Variants in PSD3 observed in about 807,000 individuals in gnomAD.
PSD3 encodes the protein pleckstrin and Sec7 domain containing 3.
Under a neutral mutation model 105.5 loss-of-function variants are expected in PSD3, and 49 were observed. The observed-to-expected ratio is 0.46, with a 90% confidence interval of 0.37 to 0.59. The LOEUF (loss-of-function observed/expected upper bound fraction) is 0.59, where lower values mean the gene tolerates loss of function less well. Ranked by LOEUF, PSD3 falls within the 20% of genes least tolerant of loss-of-function variation. PSD3 has a pLI of 0.00. For synonymous variants in PSD3, 557 were observed against 457.8 expected (o/e 1.22, Z -2.77); for missense variants, 1,561 against 1,263.8 (o/e 1.24, Z -3.57).
intron 1 of PSD3, among the ~76,000 whole-genome samples, chr8:19,025,568 G>A (rs1827518787): frequency 6.6e-6 from 1 of 152,146 alleles, no homozygotes. Flanking sequence ...CAGGGTTGAG[G>A]TCCTGCCATC....
rs979913983 is a variant in PSD3 at position 18,549,233 on chromosome 8, G to C, written c.2928+6976C>G. Among the ~76,000 whole-genome samples the C allele has an allele frequency of 2.7e-5, 4 of 146,794 alleles. No homozygotes were observed. The South Asian group carries it at 6.6e-4, about 24-fold the overall frequency. On this transcript the variant is annotated intron_variant, in intron 15 of 15. Coordinates refer to ENST00000327040, the MANE Select transcript of PSD3 (RefSeq NM_015310.4). ...TTTCACTCTTATTGCCCAGGCTAGAGTGCAATGGCATGATCTCGGCTCACT... is the reference window on the plus strand; with the variant it reads ...TTTCACTCTTATTGCCCAGGCTAGACTGCAATGGCATGATCTCGGCTCACT...
At chr8:18,689,994 G>T (rs1262872386) in intron 9 of PSD3, among the ~76,000 whole-genome samples, 1 of 152,054 alleles carries the variant, frequency 6.6e-6, no homozygotes. Flanking sequence ...CCAATATTGA[G>T]GTTTCTTTTT....
At chr8:18,825,414 C>A (rs564698603) in intron 4 of PSD3, among the ~76,000 whole-genome samples, 3 of 152,116 alleles carry the variant, frequency 2.0e-5, no homozygotes, top group Non-Finnish European at 4.4e-5. Flanking sequence ...GGGTGCAACC[C>A]GGTTTGAGAA....
chr8:18,679,094 CA>C (rs1374352132), intron 9 of PSD3, among the ~76,000 whole-genome samples: 5 of 140,320 alleles, frequency 3.6e-5, no homozygotes, highest in Non-Finnish European at 6.4e-5. Context: ...AGGCAGATAT[CA>C]ATGTCCTGTT....
chr8:18,840,291 C>G (rs1489767648), intron 4 of PSD3, among the ~76,000 whole-genome samples: 1 of 152,144 alleles, frequency 6.6e-6, no homozygotes, highest in Non-Finnish European at 1.5e-5. Context: ...GTGCATTAAA[C>G]CAAAATGTCT....
At chr8:18,770,499 T>A (rs13276483) in intron 8 of PSD3, among the ~76,000 whole-genome samples, 68,459 of 152,064 alleles carry the variant, frequency 0.45, 18,378 homozygotes, top group Non-Finnish European at 0.61. Flanking sequence ...CATGGGCAGA[T>A]ATGGGAGTAT....
At chr8:18,790,967 G>A (rs335253) in intron 8 of PSD3, among the ~76,000 whole-genome samples, 7 of 152,070 alleles carry the variant, frequency 4.6e-5, no homozygotes, top group Non-Finnish European at 7.4e-5. Flanking sequence ...ATGAACTCCC[G>A]TTTATAACTG....
chr8:18,998,148 C>A (rs1358970057), intron 1 of PSD3, among the ~76,000 whole-genome samples: 1 of 151,884 alleles, frequency 6.6e-6, no homozygotes, highest in Non-Finnish European at 1.5e-5. Flanking sequence ...CTGCATATGA[C>A]CTATTACAGT....
At chr8:18,776,978 C>CT (rs1273947713) in intron 8 of PSD3, among the ~76,000 whole-genome samples, 3 of 151,952 alleles carry the variant, frequency 2.0e-5, no homozygotes, top group South Asian at 4.2e-4. Flanking sequence ...AGTTATGTCT[C>CT]TTTTTTTGTT....
chr8:18,577,559 A>T (rs963120942), intron 12 of PSD3, among the ~76,000 whole-genome samples: 7 of 152,054 alleles, frequency 4.6e-5, no homozygotes, highest in African/African-American at 1.4e-4. Context: ...ATTTAGGTTT[A>T]TAACTATCAT....
intron 1 of PSD3, among the ~76,000 whole-genome samples, chr8:18,949,566 T>C (rs148821584): frequency 1.4e-3 from 217 of 152,166 alleles, no homozygotes; most frequent in Non-Finnish European, 2.6e-3. Context: ...AAGCAAATGA[T>C]CATGAGCTTC....
intron 11 of PSD3, among the ~76,000 whole-genome samples, chr8:18,609,041 A>G (rs1352611598): frequency 6.6e-6 from 1 of 152,194 alleles, no homozygotes; most frequent in Non-Finnish European, 1.5e-5. Context: ...TATGGATAGA[A>G]AGTCATAATA....
intron 1 of PSD3, among the ~76,000 whole-genome samples, chr8:19,044,820 G>T (rs899118046): frequency 1.5e-4 from 23 of 152,176 alleles, no homozygotes; most frequent in African/African-American, 5.6e-4. Context: ...GGAGAGACGG[G>T]AAAGATTGTA....
chr8:18,850,593 T>C (rs920001520), intron 4 of PSD3, among the ~76,000 whole-genome samples: 1 of 152,128 alleles, frequency 6.6e-6, no homozygotes, highest in African/African-American at 2.4e-5. Flanking sequence ...TCTAAGACAA[T>C]TGTCGTAAGT....
chr8:18,840,842 A>G (rs1814559963), intron 4 of PSD3, among the ~76,000 whole-genome samples: 1 of 152,182 alleles, frequency 6.6e-6, no homozygotes, highest in Non-Finnish European at 1.5e-5. Flanking sequence ...CAGAATATAT[A>G]AAGGGAATTC....
intron 9 of PSD3, among the ~76,000 whole-genome samples, chr8:18,685,777 G>A (rs552684526): frequency 6.6e-6 from 1 of 152,250 alleles, no homozygotes; most frequent in South Asian, 2.1e-4. Flanking sequence ...CGAGTCTACA[G>A]GTAAAGATCT....
At chr8:18,821,441 T>C (rs895914496) in intron 4 of PSD3, among the ~76,000 whole-genome samples, 21 of 152,218 alleles carry the variant, frequency 1.4e-4, no homozygotes, top group African/African-American at 4.8e-4. Context: ...TATAGGTAAC[T>C]ATTCCTCATG....
intron 1 of PSD3, among the ~76,000 whole-genome samples, chr8:19,042,925 G>T (rs759618034): frequency 1.3e-5 from 2 of 152,112 alleles, no homozygotes; most frequent in Admixed American, 6.6e-5. Context: ...AAATCAAAAA[G>T]ATTAATTGTA....
chr8:18,530,944 G>A lies in PSD3; in HGVS notation c.*4799C>T, dbSNP rs1484530787. ...CTTCATTATATAATCAGTCCTATGA[G>A]GTTGTACTTGCTTTTCATATCACAC... On this transcript the variant is annotated 3_prime_UTR_variant, in exon 16 of 16. Transcript: ENST00000327040. 6.6e-6 allele frequency: 1 copy of A among 151,954 alleles called. No homozygotes were observed. Among genetic ancestry groups the A allele is most frequent in the Admixed American group, 6.6e-5 (1 of 15,258 alleles). The allele number at this position is 151,954 out of a possible 1,614,324, so 9.4% of individuals were successfully genotyped here. A position where few individuals can be genotyped will look rare whatever the true frequency, so the allele number is the denominator to read the frequency against.
Sources: allele counts gnomAD v4.1 joint callset (sites outside exome capture counted in the v4.1 genomes callset), GRCh38; gene constraint gnomAD v4.1.1; transcripts MANE v1.5; gene names NCBI Gene and HGNC (gene_info 2026-07-23, HGNC 2026-07-21).